Variants in VWA3B observed in about 807,000 individuals in gnomAD.
VWA3B encodes von Willebrand factor A domain containing 3B.
VWA3B carries 138 observed loss-of-function variants against 158.3 expected under a neutral mutation model. The observed-to-expected ratio is 0.87, with a 90% CI of 0.76 to 1.00. The LOEUF is 1.00. VWA3B is among the 50% of genes least tolerant of loss of function. The pLI, the probability that VWA3B is intolerant of heterozygous loss-of-function variation, is 0.00. For missense variants in VWA3B, 1,555 were observed against 1,565.1 expected, an observed-to-expected ratio of 0.99 and a Z score of 0.11; for synonymous variants, 596 against 587.3, an observed-to-expected ratio of 1.01 and a Z score of -0.21.
At chr2:98,257,062 T>C (rs920004821) in intron 21 of VWA3B, among the ~76,000 whole-genome samples, 16 of 152,124 alleles carry the variant, frequency 1.1e-4, no homozygotes, top group African/African-American at 3.6e-4. Flanking sequence ...TAACTGTATG[T>C]TTGTGTCCAA....
chr2:98,209,399 G>A (rs1683308224), intron 12 of VWA3B, among the ~76,000 whole-genome samples: 1 of 152,008 alleles, frequency 6.6e-6, no homozygotes, highest in Non-Finnish European at 1.5e-5. Flanking sequence ...TCCTGCCTCA[G>A]CCTCCTGAGT....
intron 19 of VWA3B, among the ~76,000 whole-genome samples, chr2:98,246,070 T>C (rs963381535): frequency 1.3e-5 from 2 of 152,118 alleles, no homozygotes; most frequent in African/African-American, 4.8e-5. Flanking sequence ...GCCTATTATT[T>C]GTTTGTTTTA....
intron 23 of VWA3B, among the ~76,000 whole-genome samples, chr2:98,297,482 T>C (rs1689877710): frequency 6.6e-6 from 1 of 152,232 alleles, no homozygotes; most frequent in South Asian, 2.1e-4. Context: ...GAGTTTATAT[T>C]TCCTTTTTAC....
Position 98,312,445 on chromosome 2 carries a change from A to AG in VWA3B, c.*98dup. On this transcript the variant is annotated 3_prime_UTR_variant, in exon 28 of 28. Transcript: ENST00000477737. ...TGAAACTGGCCCCTCCGCGGAGGTA[A>AG]GGCCGCCCTCCGCGCCGCCTATGCC... 1.4e-6 allele frequency: 2 copies of AG among 1,461,258 alleles called. No homozygotes were observed. The highest frequency in any genetic ancestry group is 9.1e-7 in the Non-Finnish European group (1 of 1,094,748). The allele number at this position is 1,461,258 out of a possible 1,614,324, so 90.5% of individuals were successfully genotyped here.
At chr2:98,130,190 A>G (rs1006298012) in intron 6 of VWA3B, among the ~76,000 whole-genome samples, 1 of 152,208 alleles carries the variant, frequency 6.6e-6, no homozygotes, top group Non-Finnish European at 1.5e-5. Context: ...TGATGTGCAT[A>G]TACATAAACA....
rs1250856729 is a variant in VWA3B, at chr2:98,217,810, T to C, written c.1837-36T>C. On this transcript the variant is annotated intron_variant, in intron 13 of 27. Coordinates refer to ENST00000477737, the MANE Select transcript of VWA3B (RefSeq NM_144992.5). ...TTCTTTTCTTTCTCTTCTCTTTCCA[T>C]CTCCCTTCCCCCATCCCCAAAACTT... 3.3e-6 allele frequency: 5 copies of C among 1,517,914 alleles called. No individual in the cohort carries two copies. In the African/African-American group the frequency reaches 5.7e-5, roughly 17 times the overall value. 94.0% of individuals were successfully genotyped at this position (1,517,914 alleles called of 1,614,324 possible).
intron 3 of VWA3B, 66 bp from the exon 4 acceptor site, chr2:98,119,441 GGTGGCA>G: frequency 6.5e-7 from 1 of 1,537,082 alleles, no homozygotes; most frequent in Non-Finnish European, 8.8e-7. Context: ...CACAGTTCTC[GGTGGCA>G]GCACTGTGGT....
intron 1 of VWA3B, among the ~76,000 whole-genome samples, chr2:98,090,209 C>A (rs977789158): frequency 6.6e-6 from 1 of 152,176 alleles, no homozygotes; most frequent in Non-Finnish European, 1.5e-5. Flanking sequence ...CTTTCAGCTC[C>A]AGTCTTTGTG....
chr2:98,098,274 C>T (rs1682851387), intron 2 of VWA3B, among the ~76,000 whole-genome samples: 1 of 152,074 alleles, frequency 6.6e-6, no homozygotes, highest in African/African-American at 2.4e-5. Flanking sequence ...GGTTGATTTT[C>T]TCTCTGGATG....
intron 12 of VWA3B, among the ~76,000 whole-genome samples, chr2:98,196,358 C>G (rs1187494012): frequency 6.6e-6 from 1 of 152,134 alleles, no homozygotes; most frequent in Non-Finnish European, 1.5e-5. Context: ...TATATCAAAA[C>G]ATTACATTGT....
chr2:98,127,955 C>T (rs1039950224), intron 5 of VWA3B, among the ~76,000 whole-genome samples: 1 of 152,150 alleles, frequency 6.6e-6, no homozygotes, highest in African/African-American at 2.4e-5. Context: ...CGAACCTGTG[C>T]GATATATTTG....
rs542271181 is a variant in VWA3B, at chr2:98,127,686, G to A, written c.703-553G>A. Among the ~76,000 whole-genome samples the A allele has an allele frequency of 2.0e-5, 3 of 151,898 alleles. No individual in the cohort carries two copies. The South Asian group carries it at 6.3e-4, about 32-fold the overall frequency. Reference sequence around the variant, plus strand: ...GGCGGCAAGAAGCAGGGCACTGCAGGCGGACCTGGCATCTGACCAGCTGTG... The same window carrying A: ...GGCGGCAAGAAGCAGGGCACTGCAGACGGACCTGGCATCTGACCAGCTGTG... On this transcript the variant is annotated intron_variant, in intron 5 of 27. Transcript: ENST00000477737.
chr2:98,126,414 C>T (rs1042835089), intron 5 of VWA3B, among the ~76,000 whole-genome samples: 1 of 152,214 alleles, frequency 6.6e-6, no homozygotes, highest in Non-Finnish European at 1.5e-5. Context: ...TCCCCTGTCT[C>T]AGGCCATGTG....
At position 98,139,209 on chromosome 2, in the gene VWA3B, G is replaced by A. The variant is rs1449935272; in HGVS notation, c.988+5270G>A. Among the ~76,000 whole-genome samples the A allele has an allele frequency of 3.3e-5, 5 of 152,234 alleles. 1 individual carries two copies. Among genetic ancestry groups the A allele is most frequent in the Admixed American group, 6.5e-5 (1 of 15,292 alleles). ...GTGCCGGCCCACCGGAGCTGCTCTCGATTTCTCGCCAGGCCTTAGCTGCCT... is the reference window on the plus strand; with the variant it reads ...GTGCCGGCCCACCGGAGCTGCTCTCAATTTCTCGCCAGGCCTTAGCTGCCT... On this transcript the variant is annotated intron_variant, in intron 7 of 27. Coordinates refer to ENST00000477737, the MANE Select transcript of VWA3B (RefSeq NM_144992.5).
At chr2:98,098,700 A>G (rs1302572525) in intron 2 of VWA3B, among the ~76,000 whole-genome samples, 2 of 152,114 alleles carry the variant, frequency 1.3e-5, no homozygotes, top group Non-Finnish European at 2.9e-5. Context: ...GTCCTTGAAC[A>G]TAAGTTCAAG....
At chr2:98,096,757 A>G (rs1682742735) in intron 2 of VWA3B, among the ~76,000 whole-genome samples, 1 of 152,068 alleles carries the variant, frequency 6.6e-6, no homozygotes, top group Non-Finnish European at 1.5e-5. Context: ...CTGTGGCATC[A>G]GTTGTAATTT....
At chr2:98,321,703 C>T in the VWA3B span, among the ~76,000 whole-genome samples, 1 of 152,136 alleles carries the variant, frequency 6.6e-6, no homozygotes, top group African/African-American at 2.4e-5. Context: ...AATGGACTTG[C>T]CTTGTGTCAG....
intron 19 of VWA3B, among the ~76,000 whole-genome samples, chr2:98,245,912 G>T (rs996323436): frequency 6.6e-6 from 1 of 152,000 alleles, no homozygotes; most frequent in African/African-American, 2.4e-5. Flanking sequence ...TCAAAGTTCA[G>T]TCCTCCCACC....
intron 22 of VWA3B, among the ~76,000 whole-genome samples, chr2:98,287,827 T>G (rs1025843228): frequency 6.6e-6 from 1 of 152,214 alleles, no homozygotes; most frequent in African/African-American, 2.4e-5. Flanking sequence ...TAAAGATCCT[T>G]TTTCTCTGCG....
Sources: allele counts gnomAD v4.1 joint callset (sites outside exome capture counted in the v4.1 genomes callset), GRCh38; gene constraint gnomAD v4.1.1; transcripts MANE v1.5; gene names NCBI Gene and HGNC (gene_info 2026-07-23, HGNC 2026-07-21).